PIK3R4: variants seen among roughly 807,000 people sequenced by gnomAD.
PIK3R4 encodes the protein phosphoinositide 3-kinase regulatory subunit 4.
Under a neutral mutation model 136.5 loss-of-function variants are expected in PIK3R4, and 46 were observed. The observed-to-expected ratio is 0.34, with a 90% CI of 0.27 to 0.43. The LOEUF is 0.43. PIK3R4 is among the 20% of genes least tolerant of loss of function. PIK3R4 has a pLI of 1.00. For missense variants in PIK3R4, 1,331 were observed against 1,649.5 expected (o/e 0.81, Z 3.35); for synonymous variants, 557 against 566.7 (o/e 0.98, Z 0.24).
chr3:130,732,935 T>C (rs2066766657), intron 4 of PIK3R4, among the ~76,000 whole-genome samples: 1 of 152,110 alleles, frequency 6.6e-6, no homozygotes, highest in Non-Finnish European at 1.5e-5. Flanking sequence ...GTGATATTTC[T>C]CATGCAGAAA....
At chr3:130,732,811 A>G (rs1459271435) in intron 4 of PIK3R4, among the ~76,000 whole-genome samples, 4 of 151,716 alleles carry the variant, frequency 2.6e-5, no homozygotes, top group Non-Finnish European at 4.4e-5. Context: ...AAAAAAGACA[A>G]TATCATTACC....
intron 7 of PIK3R4, among the ~76,000 whole-genome samples, chr3:130,720,318 C>T (rs982354802): frequency 2.0e-5 from 3 of 152,138 alleles, no homozygotes; most frequent in African/African-American, 7.2e-5. Flanking sequence ...ACCCCAGCCT[C>T]CCGAGTAGCT....
chr3:130,713,699 G>A (rs1294807982), intron 9 of PIK3R4, among the ~76,000 whole-genome samples: 1 of 152,164 alleles, frequency 6.6e-6, no homozygotes, highest in African/African-American at 2.4e-5. Flanking sequence ...TTGAGATAGA[G>A]TCTTGCTCTG....
In PIK3R4 at chr3:130,732,794, A is replaced by G. The variant is rs573168716; in HGVS notation, c.1450+754T>C. On this transcript the variant is annotated intron_variant, in intron 4 of 19. Coordinates refer to ENST00000356763, the MANE Select transcript of PIK3R4 (RefSeq NM_014602.3). ...TAAAATGAATGAACTACATTTCTTT[A>G]AAAAAAAAAAAAGACAATATCATTA... Among the ~76,000 whole-genome samples the G allele has an allele frequency of 8.0e-3, 1,116 of 139,378 alleles. 13 individuals are homozygous for G. The highest frequency in any genetic ancestry group is 0.028 in the African/African-American group (1,056 of 37,696). 91.4% of individuals were successfully genotyped at this position (139,378 alleles called of 152,430 possible). A position where few individuals can be genotyped will look rare whatever the true frequency, so the allele number is the denominator to read the frequency against.
chr3:130,738,737 C>G (rs2066801084), intron 2 of PIK3R4, among the ~76,000 whole-genome samples: 1 of 150,672 alleles, frequency 6.6e-6, no homozygotes, highest in Admixed American at 6.6e-5. Flanking sequence ...CAGGAATCAG[C>G]CTGAGAAGGC....
chr3:130,684,344 C>T lies in PIK3R4; in HGVS notation c.3513G>A (p.Arg1171=). 6.2e-7 allele frequency: 1 copy of T among 1,613,262 alleles called. No homozygotes were observed. ...AGTGACTTGAAATTGGCAACTGGAA[C>T]CTCATGTCCCAACAAGCCATGGTAC... ...SSGTMACWDM[R]FQLPISSHCH... Residue 1171 remains arginine (R), a synonymous_variant, in exon 16 of 20, where the codon AGG becomes AGA. Transcript: ENST00000356763.
intron 2 of PIK3R4, among the ~76,000 whole-genome samples, chr3:130,738,015 G>A (rs969255485): frequency 6.6e-6 from 1 of 152,148 alleles, no homozygotes; most frequent in African/African-American, 2.4e-5. Context: ...CAATTTACAT[G>A]AGGAAGGGAT....
At chr3:130,730,560 C>A in intron 4 of PIK3R4, 118 bp from the exon 5 acceptor site, 2 of 661,360 alleles carry the variant, frequency 3.0e-6, no homozygotes, top group Non-Finnish European at 4.6e-6. Context: ...AAAAACAGAA[C>A]TTTTCAATTT....
Position 130,744,841 on chromosome 3 carries a change from G to C in PIK3R4, c.378C>G (p.Arg126=), listed in dbSNP as rs1355319816. 1 of 1,614,076 alleles carries C rather than the reference G, an allele frequency of 6.2e-7. No homozygotes were observed. Among genetic ancestry groups the C allele is most frequent in the East Asian group, 2.2e-5 (1 of 44,896 alleles). The change falls in exon 2 of 20, where the codon CGC becomes CGG. Residue 126 remains arginine (R), a synonymous_variant. Transcript: ENST00000356763. ...TRPFLNNIEK[R]WIAFQILTAV... ...CTGTCAGGATCTGGAAAGCAATCCAGCGCTTCTCAATGTTATTCAAGAATG... is the reference window on the plus strand; with the variant it reads ...CTGTCAGGATCTGGAAAGCAATCCACCGCTTCTCAATGTTATTCAAGAATG...
At position 130,733,673 on chromosome 3, in the gene PIK3R4, G is replaced by A. The variant is rs2066770783; in HGVS notation, c.1325C>T (p.Thr442Ile). ...RVRAEALRTLTKVLALVKEVP... is the reference protein window; with the variant it reads ...RVRAEALRTLIKVLALVKEVP... ...CTCTTTGACGAGAGCAAGAACTTTGGTCAACGTCCTCAAGGCTTCAGCCCT... is the reference window on the plus strand; with the variant it reads ...CTCTTTGACGAGAGCAAGAACTTTGATCAACGTCCTCAAGGCTTCAGCCCT... Residue 442 changes from threonine (T) to isoleucine (I), a missense_variant, in exon 4 of 20, where the codon ACC (threonine) becomes ATC (isoleucine). Thr to Ile is a moderately conservative substitution (Grantham distance 89, BLOSUM62 -1). Coordinates refer to ENST00000356763, the MANE Select transcript of PIK3R4 (RefSeq NM_014602.3). 6.2e-7 allele frequency: 1 copy of A among 1,613,974 alleles called. No individual in the cohort carries two copies. The highest frequency in any genetic ancestry group is 1.1e-5 in the South Asian group (1 of 91,084).
intron 14 of PIK3R4, 67 bp downstream of exon 14, chr3:130,690,423 A>G: frequency 9.7e-7 from 1 of 1,032,996 alleles, no homozygotes; most frequent in Non-Finnish European, 1.4e-6. Flanking sequence ...ATTGCAGGGT[A>G]GAAAGGAGAC....
At chr3:130,739,137 C>T (rs555147509) in intron 2 of PIK3R4, among the ~76,000 whole-genome samples, 26 of 152,314 alleles carry the variant, frequency 1.7e-4, no homozygotes, top group East Asian at 9.6e-4. Flanking sequence ...ACTGCAGTGG[C>T]GCTATCTCAG....
At position 130,707,033 on chromosome 3, in the gene PIK3R4, C is replaced by T. The variant is rs2066609809; in HGVS notation, c.2636G>A (p.Ser879Asn). ...CCCAGTCTGAATCACCTCCTGATCA[C>T]TCCCTTTAGGTAGGGCCTGTGGCAT... ...PNMPQALPKG[S>N]DQEVIQTGKP... Residue 879 changes from serine (S) to asparagine (N), a missense_variant, in exon 11 of 20, where the codon AGT (serine) becomes AAT (asparagine). Ser to Asn is a conservative substitution (Grantham distance 46). This residue lies in a region of PIK3R4 where 1,180 missense variants were observed against 1,407.0 expected (regional missense o/e 0.84). Coordinates refer to ENST00000356763, the MANE Select transcript of PIK3R4 (RefSeq NM_014602.3). The T allele has an allele frequency of 1.9e-6, 3 of 1,613,064 alleles. No homozygotes were observed. The highest frequency in any genetic ancestry group is 2.5e-6 in the Non-Finnish European group (3 of 1,179,570).
intron 13 of PIK3R4, among the ~76,000 whole-genome samples, chr3:130,694,383 G>A (rs988126735): frequency 6.6e-6 from 1 of 151,414 alleles, no homozygotes; most frequent in African/African-American, 2.4e-5. Context: ...CCATCTTAAT[G>A]ATATTAAGTA....
At chr3:130,684,029 G>A (rs1411120668) in intron 16 of PIK3R4, among the ~76,000 whole-genome samples, 1 of 152,148 alleles carries the variant, frequency 6.6e-6, no homozygotes, top group Non-Finnish European at 1.5e-5. Flanking sequence ...ATAGGAGATG[G>A]TGGTGGACAG....
At chr3:130,715,688 T>A (rs1020497623) in intron 9 of PIK3R4, among the ~76,000 whole-genome samples, 5 of 152,184 alleles carry the variant, frequency 3.3e-5, no homozygotes, top group Non-Finnish European at 7.4e-5. Context: ...TTCAAAAATT[T>A]TCTCCCATTC....
At chr3:130,721,513 G>T (rs1197983329) in intron 7 of PIK3R4, among the ~76,000 whole-genome samples, 2 of 151,848 alleles carry the variant, frequency 1.3e-5, no homozygotes, top group Admixed American at 6.6e-5. Flanking sequence ...TCCACTGAAT[G>T]AATAAAAAAA....
At chr3:130,682,903 G>A (rs754904077) in intron 16 of PIK3R4, among the ~76,000 whole-genome samples, 10 of 152,150 alleles carry the variant, frequency 6.6e-5, no homozygotes, top group Non-Finnish European at 1.2e-4. Flanking sequence ...GGAAGGTACT[G>A]AGCAGAAGAA....
In PIK3R4 at chr3:130,679,033, T is replaced by TAAAC. The variant is rs2066436464; in HGVS notation, c.*278_*281dup. 1 of 186,992 alleles carries TAAAC rather than the reference T, an allele frequency of 5.3e-6. No homozygotes were observed. Among genetic ancestry groups the TAAAC allele is most frequent in the Admixed American group, 6.0e-5 (1 of 16,628 alleles). The allele number at this position is 186,992 out of a possible 1,614,324, so 11.6% of individuals were successfully genotyped here. A position where few individuals can be genotyped will look rare whatever the true frequency, so the allele number is the denominator to read the frequency against. On this transcript the variant is annotated 3_prime_UTR_variant, in exon 20 of 20. Transcript: ENST00000356763. ...TTCAACCATCTTTTTCAATACAAAA[T>TAAAC]AAACATATTCATTTTCATATTTTAC...
Sources: allele counts gnomAD v4.1 joint callset (sites outside exome capture counted in the v4.1 genomes callset), GRCh38; gene constraint gnomAD v4.1.1; regional missense constraint gnomAD v4.1.1; transcripts MANE v1.5; gene names NCBI Gene and HGNC (gene_info 2026-07-23, HGNC 2026-07-21).